The following DNAAF9 variants were observed in gnomAD, a reference collection of about 807,000 sequenced individuals.
DNAAF9 encodes dynein axonemal assembly factor 9.
DNAAF9 carries 90 observed loss-of-function variants against 167.0 expected under a neutral mutation model. The observed-to-expected ratio is 0.54, with a 90% confidence interval of 0.45 to 0.64. The LOEUF (loss-of-function observed/expected upper bound fraction) is 0.64, where lower values mean the gene tolerates loss of function less well. Among genes scored for constraint, DNAAF9 ranks in the 30% least tolerant of loss-of-function variants. The probability of loss-of-function intolerance (pLI) is 0.00; values close to 1 mark genes in which losing one functional copy is unlikely to be tolerated. For synonymous variants in DNAAF9, 491 were observed against 508.8 expected (o/e 0.96, Z 0.47); for missense variants, 1,315 against 1,442.2 (o/e 0.91, Z 1.43).
intron 33 of DNAAF9, 113 bp downstream of exon 33, chr20:3,259,367 G>C (rs891208729): frequency 1.7e-5 from 13 of 786,266 alleles, no homozygotes; most frequent in African/African-American, 5.1e-5. Context: ...GAAGGTTTCT[G>C]AGAGTCTGAG....
At chr20:3,297,017 G>GATTTGATGGTTGTTGAAA in intron 22 of DNAAF9, 68 bp from the exon 23 acceptor site, 2 of 845,788 alleles carry the variant, frequency 2.4e-6, no homozygotes, top group South Asian at 2.9e-5. Context: ...GCCACATGGG[G>GATTTGATGGTTGTTGAAA]ATTTGATGGT....
intron 25 of DNAAF9, 86 bp downstream of exon 25, chr20:3,294,053 T>C: frequency 1.3e-6 from 1 of 782,772 alleles, no homozygotes; most frequent in East Asian, 2.4e-5. Flanking sequence ...CTAAGTTCTT[T>C]TTGTTAACTG....
rs1167132354 is a variant in DNAAF9 at position 3,319,185 on chromosome 20, C to T, written c.1357-785G>A. Among the ~76,000 whole-genome samples, 3 of 142,506 alleles carry T rather than the reference C, an allele frequency of 2.1e-5. No homozygotes were observed. The South Asian group carries it at 6.7e-4, about 32-fold the overall frequency. The allele number at this position is 142,506 out of a possible 152,430, so 93.5% of individuals were successfully genotyped here. On this transcript the variant is annotated intron_variant, in intron 16 of 36. Transcript: ENST00000252032. ...GGCTAAGGCAGGAGGATTGTTTGAGCCCAGGAGGTTGAGGCTGCAGTGATC... is the reference window on the plus strand; with the variant it reads ...GGCTAAGGCAGGAGGATTGTTTGAGTCCAGGAGGTTGAGGCTGCAGTGATC...
At chr20:3,270,912 A>C (rs1255216165) in intron 29 of DNAAF9, among the ~76,000 whole-genome samples, 2 of 151,674 alleles carry the variant, frequency 1.3e-5, no homozygotes, top group Non-Finnish European at 2.9e-5. Context: ...TCCAGGGTTC[A>C]AGCAATTCTC....
At chr20:3,326,376 G>T in intron 12 of DNAAF9, 92 bp from the exon 13 acceptor site, 1 of 870,078 alleles carries the variant, frequency 1.1e-6, no homozygotes, top group Admixed American at 2.2e-5. Context: ...CTAAGAAACT[G>T]ATTTTTAAAC....
intron 31 of DNAAF9, among the ~76,000 whole-genome samples, chr20:3,260,315 C>G (rs888687006): frequency 6.6e-6 from 1 of 152,002 alleles, no homozygotes; most frequent in African/African-American, 2.4e-5. Flanking sequence ...GTCCGCAGTC[C>G]GGCCTGGGCG....
intron 7 of DNAAF9, among the ~76,000 whole-genome samples, chr20:3,356,443 G>T (rs1011278224): frequency 5.3e-5 from 8 of 152,046 alleles, no homozygotes; most frequent in Non-Finnish European, 1.0e-4. Flanking sequence ...TTTTCAATTG[G>T]TTATTTTAGA....
chr20:3,264,863 C>T (rs999916281), intron 30 of DNAAF9, among the ~76,000 whole-genome samples: 4 of 152,180 alleles, frequency 2.6e-5, no homozygotes, highest in African/African-American at 7.2e-5. Flanking sequence ...CCACCGAGCC[C>T]GGCCAGGACT....
At chr20:3,390,183 T>C (rs961517919) in intron 1 of DNAAF9, among the ~76,000 whole-genome samples, 1 of 152,210 alleles carries the variant, frequency 6.6e-6, no homozygotes, top group African/African-American at 2.4e-5. Flanking sequence ...GGATGTCCTT[T>C]ATTTTAGATG....
chr20:3,322,329 T>C (rs2069630923), intron 15 of DNAAF9, 67 bp from the exon 16 acceptor site: 5 of 1,283,354 alleles, frequency 3.9e-6, no homozygotes, highest in East Asian at 4.7e-5. Flanking sequence ...TTACAGTGTT[T>C]GCTTTTTTCA....
intron 25 of DNAAF9, 29 bp from the exon 26 acceptor site, chr20:3,290,246 A>C: frequency 7.3e-7 from 1 of 1,363,350 alleles, no homozygotes; most frequent in Non-Finnish European, 1.1e-6. Context: ...ATGGGTTTGC[A>C]ATTCAACTGC....
chr20:3,323,424 G>C (rs2236120), intron 14 of DNAAF9, among the ~76,000 whole-genome samples: 13,493 of 151,658 alleles, frequency 0.089, 1,181 homozygotes, highest in African/African-American at 0.22. Context: ...TGGGACTACA[G>C]GTGTGTACCA....
intron 20 of DNAAF9, among the ~76,000 whole-genome samples, chr20:3,308,354 T>G (rs1158832716): frequency 6.7e-6 from 1 of 149,622 alleles, no homozygotes; most frequent in Non-Finnish European, 1.5e-5. Context: ...TTTTTTTTTT[T>G]TTTTTTGAGA....
chr20:3,299,303 C>T (rs186577051), intron 21 of DNAAF9, among the ~76,000 whole-genome samples: 2 of 152,136 alleles, frequency 1.3e-5, no homozygotes, highest in African/African-American at 2.4e-5. Context: ...TTTCCCAGCA[C>T]CTTTTTTGTT....
chr20:3,269,202 C>G (rs563535472), intron 30 of DNAAF9, among the ~76,000 whole-genome samples: 80 of 148,134 alleles, frequency 5.4e-4, no homozygotes, highest in Admixed American at 1.5e-3. Flanking sequence ...CCACTGCACC[C>G]GGCCACTTTT....
At chr20:3,354,601 G>A (rs753257494) in intron 7 of DNAAF9, among the ~76,000 whole-genome samples, 3 of 152,154 alleles carry the variant, frequency 2.0e-5, no homozygotes, top group Non-Finnish European at 4.4e-5. Context: ...GGACTATTCT[G>A]GCACTTTCAG....
intron 2 of DNAAF9, 152 bp from the exon 3 acceptor site, chr20:3,381,650 T>C (rs1354662784): frequency 6.5e-6 from 4 of 614,290 alleles, no homozygotes; most frequent in African/African-American, 1.9e-5. Flanking sequence ...ACCAATTCTG[T>C]GAAAGAAACA....
At chr20:3,365,405 A>C (rs1396379063) in intron 6 of DNAAF9, among the ~76,000 whole-genome samples, 2 of 135,194 alleles carry the variant, frequency 1.5e-5, no homozygotes, top group African/African-American at 5.5e-5. Context: ...TTATTTATTT[A>C]TTTTTAGGAG....
At chr20:3,253,906 G>A in intron 35 of DNAAF9, 87 bp from the exon 36 acceptor site, 1 of 801,794 alleles carries the variant, frequency 1.2e-6, no homozygotes, top group Non-Finnish European at 2.1e-6. Flanking sequence ...TATTTCCCTA[G>A]CAAGATAGAC....
Sources: gnomAD v4.1 joint callset for allele counts (sites outside exome capture counted in the v4.1 genomes callset) on GRCh38, gnomAD v4.1.1 for gene constraint, MANE v1.5 for transcripts, NCBI Gene and HGNC (gene_info 2026-07-23, HGNC 2026-07-21) for gene names.